CADM2: variants seen among roughly 807,000 people sequenced by gnomAD.
CADM2 encodes the protein immunoglobulin superfamily member 4D.
Under a neutral mutation model 49.8 loss-of-function variants are expected in CADM2, and 12 were observed. The ratio of observed to expected loss-of-function variants is 0.24; its 90% CI spans 0.15 to 0.39. The LOEUF (loss-of-function observed/expected upper bound fraction) is 0.39, where lower values mean the gene tolerates loss of function less well. Ranked by LOEUF, CADM2 falls within the 10% of genes least tolerant of loss-of-function variation. The pLI is 1.00. For synonymous variants in CADM2, 214 were observed against 175.4 expected, an observed-to-expected ratio of 1.22 and a Z score of -1.74; for missense variants, 378 against 492.3, an observed-to-expected ratio of 0.77 and a Z score of 2.20.
At chr3:85,215,738 A>C (rs780076489) in intron 1 of CADM2, among the ~76,000 whole-genome samples, 8 of 152,122 alleles carry the variant, frequency 5.3e-5, no homozygotes, top group Non-Finnish European at 8.8e-5. Context: ...CCGGGACTCA[A>C]GTTCCTACTG....
intron 1 of CADM2, among the ~76,000 whole-genome samples, chr3:85,275,414 A>G (rs2043333883): frequency 6.6e-6 from 1 of 151,530 alleles, no homozygotes; most frequent in South Asian, 2.1e-4. Context: ...TTGTTTTGAA[A>G]TAAGTGCCCC....
At chr3:85,692,383 C>T (rs947142615) in intron 1 of CADM2, among the ~76,000 whole-genome samples, 3 of 152,130 alleles carry the variant, frequency 2.0e-5, no homozygotes, top group East Asian at 1.9e-4. Flanking sequence ...ATATTTGCGT[C>T]GCAAGTTTTA....
intron 2 of CADM2, among the ~76,000 whole-genome samples, chr3:85,799,030 G>A (rs2071817453): frequency 6.6e-6 from 1 of 152,008 alleles, no homozygotes; most frequent in South Asian, 2.1e-4. Context: ...TCTCTTTGTA[G>A]CAATTGTGAA....
chr3:85,518,607 G>A (rs892281726), intron 1 of CADM2, among the ~76,000 whole-genome samples: 1 of 152,122 alleles, frequency 6.6e-6, no homozygotes. Context: ...GTGGGGCCAC[G>A]CTTCCTCTGG....
At chr3:85,630,724 G>T (rs971125791) in intron 1 of CADM2, among the ~76,000 whole-genome samples, 1 of 152,062 alleles carries the variant, frequency 6.6e-6, no homozygotes, top group African/African-American at 2.4e-5. Context: ...CACAGTGTGT[G>T]TGGCATTAAA....
At chr3:85,475,063 C>T (rs902455507) in intron 1 of CADM2, among the ~76,000 whole-genome samples, 9 of 151,884 alleles carry the variant, frequency 5.9e-5, no homozygotes, top group African/African-American at 1.9e-4. Context: ...AAACATAAAG[C>T]AACCAGGGAG....
intron 1 of CADM2, among the ~76,000 whole-genome samples, chr3:85,039,121 C>T (rs917100521): frequency 6.6e-6 from 1 of 152,120 alleles, no homozygotes; most frequent in African/African-American, 2.4e-5. Flanking sequence ...CCTGCCTCAG[C>T]CTCCCGAGTA....
intron 1 of CADM2, among the ~76,000 whole-genome samples, chr3:85,091,531 A>G (rs1390477785): frequency 6.6e-6 from 1 of 152,174 alleles, no homozygotes; most frequent in East Asian, 1.9e-4. Flanking sequence ...TGAAAATAAA[A>G]TAATATTTTA....
intron 1 of CADM2, among the ~76,000 whole-genome samples, chr3:85,347,807 G>GT (rs143346387): frequency 0.034 from 3,546 of 103,136 alleles, 171 homozygotes; most frequent in African/African-American, 0.099. Flanking sequence ...ACATCCGCCA[G>GT]TTTTTTGTTT....
intron 1 of CADM2, among the ~76,000 whole-genome samples, chr3:85,005,294 G>A (rs2033666034): frequency 6.6e-6 from 1 of 152,124 alleles, no homozygotes; most frequent in Non-Finnish European, 1.5e-5. Context: ...AATGATGGGT[G>A]TAGCTGTGTT....
At chr3:85,689,258 G>T (rs1046490586) in intron 1 of CADM2, among the ~76,000 whole-genome samples, 2 of 152,138 alleles carry the variant, frequency 1.3e-5, no homozygotes, top group African/African-American at 4.8e-5. Context: ...ATGGAGGTGG[G>T]GGTAGGGAGA....
At chr3:86,025,361 A>ACAAC (rs1733764737) in intron 8 of CADM2, among the ~76,000 whole-genome samples, 1 of 152,010 alleles carries the variant, frequency 6.6e-6, no homozygotes, top group South Asian at 2.1e-4. Flanking sequence ...GCAGCCCATT[A>ACAAC]TTTGGCAAAA....
chr3:85,485,909 C>T (rs901177467), intron 1 of CADM2, among the ~76,000 whole-genome samples: 18 of 152,090 alleles, frequency 1.2e-4, no homozygotes, highest in Middle Eastern at 3.4e-3. Context: ...TTTCAAAATT[C>T]GAAGACCCTG....
At chr3:85,141,700 T>C (rs2107628985) in intron 1 of CADM2, among the ~76,000 whole-genome samples, 1 of 152,270 alleles carries the variant, frequency 6.6e-6, no homozygotes, top group South Asian at 2.1e-4. Flanking sequence ...TTAATGGAAA[T>C]AGTATAAATT....
intron 1 of CADM2, among the ~76,000 whole-genome samples, chr3:85,256,454 T>C (rs996218514): frequency 6.6e-6 from 1 of 152,058 alleles, no homozygotes; most frequent in Non-Finnish European, 1.5e-5. Context: ...AACTAAGTGC[T>C]CCTATTCAAA....
intron 1 of CADM2, among the ~76,000 whole-genome samples, chr3:85,218,985 A>T (rs185390447): frequency 1.3e-5 from 2 of 152,256 alleles, no homozygotes; most frequent in African/African-American, 2.4e-5. Flanking sequence ...TAAAGCCATG[A>T]TTGCCTCGCA....
chr3:85,105,008 G>A (rs551288637), intron 1 of CADM2, among the ~76,000 whole-genome samples: 43 of 152,112 alleles, frequency 2.8e-4, no homozygotes, highest in Admixed American at 7.2e-4. Context: ...CAATCATGTC[G>A]TCTTCAAACA....
chr3:85,703,286 G>A (rs529827813), intron 1 of CADM2, among the ~76,000 whole-genome samples: 1 of 152,164 alleles, frequency 6.6e-6, no homozygotes, highest in East Asian at 1.9e-4. Flanking sequence ...TCTGAACAGG[G>A]AAAATCAGGA....
At chr3:85,065,609 A>C (rs530336123) in intron 1 of CADM2, among the ~76,000 whole-genome samples, 1 of 152,320 alleles carries the variant, frequency 6.6e-6, no homozygotes, top group African/African-American at 2.4e-5. Context: ...GATCTAAATA[A>C]GATTTTTCCA....
Sources: gnomAD v4.1 joint callset for allele counts (sites outside exome capture counted in the v4.1 genomes callset) on GRCh38, gnomAD v4.1.1 for gene constraint, MANE v1.5 for transcripts, NCBI Gene and HGNC (gene_info 2026-07-23, HGNC 2026-07-21) for gene names.